Variants in FRY observed in about 807,000 individuals in gnomAD.
The protein encoded by FRY is FRY microtubule binding protein.
In FRY, 128 loss-of-function variants were observed where a neutral mutation model predicts 348.4. That is an observed-to-expected ratio of 0.37 (90% confidence interval 0.32 to 0.43). FRY has a LOEUF of 0.43. Ranked by LOEUF, FRY falls within the 20% of genes least tolerant of loss-of-function variation. The probability of loss-of-function intolerance (pLI) is 1.00; values close to 1 mark genes in which losing one functional copy is unlikely to be tolerated. For synonymous variants in FRY, 1,370 were observed against 1,374.7 expected (o/e 1.00, Z 0.08); for missense variants, 2,736 against 3,695.2 (o/e 0.74, Z 6.73).
chr13:32,293,721 G>A (rs1264922406), intron 59 of FRY, among the ~76,000 whole-genome samples: 1 of 152,146 alleles, frequency 6.6e-6, no homozygotes, highest in Non-Finnish European at 1.5e-5. Flanking sequence ...TTTTACTGCT[G>A]TAGCATTAAT....
At chr13:32,119,265 G>T (rs1878498937) in intron 4 of FRY, among the ~76,000 whole-genome samples, 1 of 152,124 alleles carries the variant, frequency 6.6e-6, no homozygotes, top group Non-Finnish European at 1.5e-5. Context: ...AGGTTGGGGG[G>T]ACTTTAAGGA....
At position 32,136,554 on chromosome 13, in the gene FRY, T is replaced by C. The variant is rs115408947; in HGVS notation, c.1078-317T>C. On this transcript the variant is annotated intron_variant, in intron 10 of 60. Coordinates refer to ENST00000542859, the MANE Select transcript of FRY (RefSeq NM_023037.3). ...AGATTAAGAGAGTGATCTAAGATGG[T>C]AAGTTTGTTTTTAAATTTTATAAGT... Among the ~76,000 whole-genome samples, 817 of 152,372 alleles carry C rather than the reference T, an allele frequency of 5.4e-3. 5 individuals carry two copies. The highest frequency in any genetic ancestry group is 0.019 in the African/African-American group (786 of 41,586).
intron 58 of FRY, chr13:32,287,940 G>A (rs951968403): frequency 3.5e-6 from 3 of 864,318 alleles, no homozygotes. Context: ...CCATAACAAA[G>A]CCTATTTTTA....
chr13:32,094,722 C>T (rs2839873), intron 2 of FRY, among the ~76,000 whole-genome samples: 17,386 of 152,096 alleles, frequency 0.11, 1,150 homozygotes, highest in African/African-American at 0.17. Context: ...AGTACTTCAT[C>T]GTGTATATGT....
At chr13:32,280,113 G>A (rs1888738124) in intron 58 of FRY, among the ~76,000 whole-genome samples, 1 of 152,188 alleles carries the variant, frequency 6.6e-6, no homozygotes, top group South Asian at 2.1e-4. Context: ...CATAGCAGTT[G>A]CCCGTTCTAT....
At chr13:32,086,897 C>A (rs1193230093) in intron 2 of FRY, among the ~76,000 whole-genome samples, 3 of 152,114 alleles carry the variant, frequency 2.0e-5, no homozygotes, top group African/African-American at 7.2e-5. Flanking sequence ...GTTGCTTGAG[C>A]CTTAGTAGCC....
At chr13:32,034,283 T>C (rs1012617014) in intron 1 of FRY, among the ~76,000 whole-genome samples, 3 of 152,210 alleles carry the variant, frequency 2.0e-5, no homozygotes, top group Non-Finnish European at 2.9e-5. Flanking sequence ...TTTTTTTAAA[T>C]GGCACATTGT....
intron 11 of FRY, among the ~76,000 whole-genome samples, chr13:32,144,216 C>A (rs1466990457): frequency 6.9e-5 from 10 of 144,230 alleles, no homozygotes; most frequent in Non-Finnish European, 6.1e-5. Context: ...AAAACCAAAA[C>A]AAACAAAAAA....
In FRY at chr13:32,071,185, G is replaced by A. The variant is rs542967852; in HGVS notation, c.71-7649G>A. 5.9e-5 allele frequency among the ~76,000 whole-genome samples: 9 copies of A among 152,170 alleles called. No homozygotes were observed. The South Asian group carries it at 6.2e-4, about 11-fold the overall frequency. ...TGTTCTTTTTGCTTAGGATTGTCTC[G>A]GCTATGCAGACTCTTTTTTGGTTTC... On this transcript the variant is annotated intron_variant, in intron 1 of 60. Transcript: ENST00000542859.
intron 23 of FRY, among the ~76,000 whole-genome samples, chr13:32,180,752 AATTT>A (rs1193992488): frequency 6.6e-6 from 1 of 152,208 alleles, no homozygotes; most frequent in African/African-American, 2.4e-5. Context: ...TCGCAAACAA[AATTT>A]TCCATGTAGA....
chr13:32,188,379 G>T (rs958051533), intron 28 of FRY, among the ~76,000 whole-genome samples: 1 of 152,040 alleles, frequency 6.6e-6, no homozygotes, highest in Non-Finnish European at 1.5e-5. Context: ...GAAACCAAAA[G>T]AAGTCAGAAG....
intron 29 of FRY, among the ~76,000 whole-genome samples, chr13:32,200,417 T>A (rs1201609786): frequency 2.0e-5 from 3 of 152,210 alleles, no homozygotes; most frequent in African/African-American, 4.8e-5. Flanking sequence ...CTTCTACATA[T>A]AAACCGTTTA....
At position 32,230,815 on chromosome 13, in the gene FRY, C is replaced by A. The variant is rs192878906; in HGVS notation, c.5406-364C>A. Among the ~76,000 whole-genome samples, 15 of 152,268 alleles carry A rather than the reference C, an allele frequency of 9.9e-5. 2 individuals are homozygous for A. The highest frequency in any genetic ancestry group is 3.6e-4 in the African/African-American group (15 of 41,556). ...TCCTTTTTCTCCACAACCTTGCCAG[C>A]GTCTATTATTTTTTGACTTTTTAAT... On this transcript the variant is annotated intron_variant, in intron 40 of 60. Transcript: ENST00000542859.
At chr13:32,138,338 G>A (rs765297733) in intron 11 of FRY, among the ~76,000 whole-genome samples, 1 of 151,958 alleles carries the variant, frequency 6.6e-6, no homozygotes, top group African/African-American at 2.4e-5. Flanking sequence ...GCAGTTTTCT[G>A]TATATTCTAT....
chr13:32,249,607 C>T lies in FRY; in HGVS notation c.7090C>T (p.Arg2364Trp), dbSNP rs995871814. The T allele has an allele frequency of 1.5e-5, 24 of 1,614,056 alleles. No homozygotes were observed. Among genetic ancestry groups the T allele is most frequent in the Non-Finnish European group, 1.9e-5 (22 of 1,180,020 alleles). The change falls in exon 49 of 61, where the codon CGG becomes TGG. Residue 2364 changes from arginine (R) to tryptophan (W), a missense_variant. Transcript: ENST00000542859. ...DGKPRAMAVT[R>W]STSSTSSGSN... is the part of the protein sequence containing the mutation. ...GAAGCCCAGGGCCATGGCCGTCACC[C>T]GGAGCACATCTTCCACTTCCTCAGG...
intron 1 of FRY, chr13:32,038,551 C>A (rs1872633906): frequency 6.6e-6 from 1 of 152,184 alleles, no homozygotes; most frequent in South Asian, 2.1e-4. Context: ...ACAACTTAAC[C>A]TCATTTTCTT....
chr13:32,130,782 C>A (rs1157347173), intron 7 of FRY, among the ~76,000 whole-genome samples: 3 of 151,268 alleles, frequency 2.0e-5, no homozygotes. Flanking sequence ...TTCATCTTTA[C>A]CTTTTAGATA....
intron 59 of FRY, chr13:32,291,970 T>G (rs1353214810): frequency 2.2e-6 from 1 of 451,782 alleles, no homozygotes; most frequent in Non-Finnish European, 4.4e-6. Flanking sequence ...AATAAAGTTT[T>G]TTTGTTGTTG....
intron 41 of FRY, 53 bp from the exon 42 acceptor site, chr13:32,234,521 C>T: frequency 6.6e-7 from 1 of 1,513,512 alleles, no homozygotes; most frequent in Non-Finnish European, 9.2e-7. Context: ...ACTTTGATGC[C>T]CCAGAGCATG....
Sources: allele counts gnomAD v4.1 joint callset (sites outside exome capture counted in the v4.1 genomes callset), GRCh38; gene constraint gnomAD v4.1.1; transcripts MANE v1.5; gene names NCBI Gene and HGNC (gene_info 2026-07-23, HGNC 2026-07-21).